Variants in RFT1 observed in about 807,000 individuals in gnomAD.
RFT1 encodes RFT1 glycolipid translocator homolog.
Under a neutral mutation model 62.2 loss-of-function variants are expected in RFT1, and 43 were observed. That is an observed-to-expected ratio of 0.69 (90% CI 0.54 to 0.89). The LOEUF (loss-of-function observed/expected upper bound fraction) is 0.89. Among genes scored for constraint, RFT1 ranks in the 40% least tolerant of loss-of-function variants. RFT1 has a pLI of 0.00. For synonymous variants in RFT1, 262 were observed against 264.6 expected, an observed-to-expected ratio of 0.99 and a Z score of 0.10; for missense variants, 605 against 649.9, an observed-to-expected ratio of 0.93 and a Z score of 0.75.
chr3:53,100,917 A>G (rs1221902164), intron 10 of RFT1, among the ~76,000 whole-genome samples: 1 of 152,294 alleles, frequency 6.6e-6, no homozygotes, highest in East Asian at 1.9e-4. Flanking sequence ...TTAAGAGAAC[A>G]GCATTTTACT....
rs760705571 is a variant in RFT1, at chr3:53,091,862, T to C, written c.*41A>G. Reference sequence around the variant, plus strand: ...TGTGTTCCACCCACAGAACTACCCATAGCTGGTCCAGGTGCCTCGGGTGTC... The same window carrying C: ...TGTGTTCCACCCACAGAACTACCCACAGCTGGTCCAGGTGCCTCGGGTGTC... On this transcript the variant is annotated 3_prime_UTR_variant, in exon 13 of 13. Coordinates refer to ENST00000296292, the MANE Select transcript of RFT1 (RefSeq NM_052859.4). 1 of 1,606,130 alleles carries C rather than the reference T, an allele frequency of 6.2e-7. No individual in the cohort carries two copies. The highest frequency in any genetic ancestry group is 8.5e-7 in the Non-Finnish European group (1 of 1,173,388).
At chr3:53,112,402 G>A (rs1209578902) in intron 6 of RFT1, among the ~76,000 whole-genome samples, 3 of 152,190 alleles carry the variant, frequency 2.0e-5, no homozygotes, top group Non-Finnish European at 4.4e-5. Context: ...CACTCAGAAT[G>A]GGTATGACAG....
downstream of RFT1, among the ~76,000 whole-genome samples, chr3:53,083,769 G>A (rs1315300266): frequency 6.6e-6 from 1 of 152,198 alleles, no homozygotes; most frequent in Admixed American, 6.5e-5. Flanking sequence ...ATAAACAAAT[G>A]CAAGTCACTC....
At chr3:53,101,839 A>G (rs1701323579) in intron 10 of RFT1, among the ~76,000 whole-genome samples, 1 of 152,098 alleles carries the variant, frequency 6.6e-6, no homozygotes, top group African/African-American at 2.4e-5. Flanking sequence ...GGAGTTTGAG[A>G]CCAGCCTGGC....
At position 53,130,433 on chromosome 3, in the gene RFT1, G is replaced by C. The variant is rs1350799159; in HGVS notation, c.-33C>G. 1 of 1,548,706 alleles carries C rather than the reference G, an allele frequency of 6.5e-7. No individual in the cohort carries two copies. The highest frequency in any genetic ancestry group is 8.7e-7 in the Non-Finnish European group (1 of 1,145,290). ...GCGCCAGGCTCAGACACCAGGAAAT[G>C]CCGCCGCCACTCCGTTTAGTCGCGA... On this transcript the variant is annotated 5_prime_UTR_variant, in exon 1 of 13. Coordinates refer to ENST00000296292, the MANE Select transcript of RFT1 (RefSeq NM_052859.4).
intron 4 of RFT1, among the ~76,000 whole-genome samples, 180 bp downstream of exon 4, chr3:53,122,194 C>T (rs537953306): frequency 2.6e-5 from 4 of 152,286 alleles, no homozygotes; most frequent in Non-Finnish European, 1.5e-5. Flanking sequence ...TGAACTTTAG[C>T]CTAGCCCATC....
At chr3:53,120,755 T>C (rs1404865872) in intron 5 of RFT1, among the ~76,000 whole-genome samples, 3 of 152,190 alleles carry the variant, frequency 2.0e-5, no homozygotes, top group East Asian at 3.8e-4. Flanking sequence ...CCTCTAGACT[T>C]GCTTTCAACC....
chr3:53,120,149 C>T (rs1249420450), intron 5 of RFT1, 128 bp from the exon 6 acceptor site: 2 of 783,328 alleles, frequency 2.6e-6, no homozygotes, highest in Non-Finnish European at 3.9e-6. Flanking sequence ...AATGCCTTAC[C>T]CTCTGGGAAA....
chr3:53,098,046 G>A (rs1443725494), intron 11 of RFT1, among the ~76,000 whole-genome samples: 3 of 152,182 alleles, frequency 2.0e-5, no homozygotes, highest in South Asian at 2.1e-4. Flanking sequence ...AAGCATCAGC[G>A]TGTCCTACGC....
chr3:53,087,454 C>A (rs1559575983), downstream of RFT1, among the ~76,000 whole-genome samples: 2 of 152,100 alleles, frequency 1.3e-5, no homozygotes, highest in Non-Finnish European at 1.5e-5. Flanking sequence ...CTGAGCCCCT[C>A]CTCCTCCAGG....
chr3:53,108,949 G>A (rs555156903), intron 7 of RFT1, among the ~76,000 whole-genome samples: 4 of 152,260 alleles, frequency 2.6e-5, no homozygotes, highest in East Asian at 1.9e-4. Flanking sequence ...GATTACAGGC[G>A]TGAGCCACCG....
At chr3:53,130,249 G>T in intron 1 of RFT1, 89 bp downstream of exon 1, 1 of 1,343,246 alleles carries the variant, frequency 7.4e-7, no homozygotes, top group Non-Finnish European at 1.0e-6. Context: ...GACTGGGTCG[G>T]CCCTGGGGCA....
At chr3:53,098,733 C>T (rs535653892) in intron 11 of RFT1, among the ~76,000 whole-genome samples, 1 of 132,282 alleles carries the variant, frequency 7.6e-6, no homozygotes, top group South Asian at 2.4e-4. Flanking sequence ...ACCTGGGAGG[C>T]AGAGCTTGCA....
intron 2 of RFT1, among the ~76,000 whole-genome samples, chr3:53,124,746 A>G (rs1157802522): frequency 6.6e-6 from 1 of 152,086 alleles, no homozygotes; most frequent in Non-Finnish European, 1.5e-5. Context: ...CTAAGATGGG[A>G]GGATCACTTG....
rs148763639 is a variant in RFT1 at position 53,129,676 on chromosome 3, G to A, written c.63+662C>T. Among the ~76,000 whole-genome samples the A allele has an allele frequency of 1.1e-4, 17 of 152,292 alleles. No homozygotes were observed. The East Asian group carries it at 3.3e-3, about 29-fold the overall frequency. On this transcript the variant is annotated intron_variant, in intron 1 of 12. Transcript: ENST00000296292. ...GACAGATGACAAAAATTAGGGCCAA[G>A]AAGGGAAGTGACTTGTCCAAGATCA...
intron 6 of RFT1, among the ~76,000 whole-genome samples, chr3:53,113,428 T>C (rs1701706728): frequency 6.6e-6 from 1 of 152,164 alleles, no homozygotes; most frequent in Admixed American, 6.5e-5. Context: ...GAGGGCTGAA[T>C]TACAAAGGCC....
chr3:53,117,242 T>A (rs1325389690), intron 6 of RFT1, among the ~76,000 whole-genome samples: 1 of 152,232 alleles, frequency 6.6e-6, no homozygotes, highest in Non-Finnish European at 1.5e-5. Context: ...AAACATGCAG[T>A]CAATGGCAGT....
At position 53,098,671 on chromosome 3, in the gene RFT1, A is replaced by G. The variant is rs546768109; in HGVS notation, c.1208+710T>C. Among the ~76,000 whole-genome samples the G allele has an allele frequency of 6.3e-3, 960 of 152,080 alleles. 6 individuals are homozygous for G. Among genetic ancestry groups the G allele is most frequent in the Non-Finnish European group, 9.8e-3 (664 of 67,942 alleles). On this transcript the variant is annotated intron_variant, in intron 11 of 12. Coordinates refer to ENST00000296292, the MANE Select transcript of RFT1 (RefSeq NM_052859.4). ...CAAAAAATTAGCCAGGCATGGTGGC[A>G]CGCGCCTGTAGTCCCAGCTACCTGG...
At chr3:53,119,481 A>G (rs145401436) in intron 6 of RFT1, among the ~76,000 whole-genome samples, 1 of 152,340 alleles carries the variant, frequency 6.6e-6, no homozygotes, top group East Asian at 1.9e-4. Context: ...GTTGTTGTTA[A>G]GCATTAAATA....
Sources: allele counts gnomAD v4.1 joint callset (sites outside exome capture counted in the v4.1 genomes callset), GRCh38; gene constraint gnomAD v4.1.1; transcripts MANE v1.5; gene names NCBI Gene and HGNC (gene_info 2026-07-23, HGNC 2026-07-21).